The following MCTP1 variants were observed in gnomAD, a reference collection of about 807,000 sequenced individuals.
MCTP1 encodes multiple C2 and transmembrane domain-containing protein 1.
In MCTP1, 69 loss-of-function variants were observed where a neutral mutation model predicts 120.6. The ratio of observed to expected loss-of-function variants is 0.57; its 90% confidence interval spans 0.47 to 0.70. MCTP1 has a LOEUF of 0.70. MCTP1 is among the 30% of genes least tolerant of loss of function. The probability of loss-of-function intolerance (pLI) is 0.00; values close to 1 mark genes in which losing one functional copy is unlikely to be tolerated. For missense variants in MCTP1, 1,203 were observed against 1,248.8 expected, an observed-to-expected ratio of 0.96 and a Z score of 0.55; for synonymous variants, 529 against 493.1, an observed-to-expected ratio of 1.07 and a Z score of -0.96.
intron 16 of MCTP1, among the ~76,000 whole-genome samples, chr5:94,868,936 C>T (rs1442039931): frequency 6.6e-5 from 10 of 151,866 alleles, no homozygotes; most frequent in Non-Finnish European, 1.0e-4. Flanking sequence ...TAGAATTCCT[C>T]CCATTCTTAC....
At chr5:95,207,961 G>GAGAGAGGGAGAGAGAGAGAA in intron 1 of MCTP1, among the ~76,000 whole-genome samples, 1 of 133,662 alleles carries the variant, frequency 7.5e-6, no homozygotes, top group East Asian at 2.2e-4. Context: ...GAGAGAGGGA[G>GAGAGAGGGAGAGAGAGAGAA]AGAGAGGGAG....
At position 94,710,886 on chromosome 5, in the gene MCTP1, A is replaced by G. The variant is rs751339830; in HGVS notation, c.2762T>C (p.Ile921Thr). Residue 921 changes from isoleucine to threonine, a missense_variant, in exon 21 of 23, where the codon ATT becomes ACT. Ile to Thr is a moderately conservative substitution (Grantham distance 89). This residue lies in a region of MCTP1 where 740 missense variants were observed against 871.1 expected (regional missense o/e 0.85). Coordinates refer to ENST00000515393, the MANE Select transcript of MCTP1 (RefSeq NM_024717.7). Reference protein sequence around the residue: ...WTVPFLSWLAIVALCVFTAIL... With the variant: ...WTVPFLSWLATVALCVFTAIL... Reference sequence around the variant, plus strand: ...GGCTGTGAACACACAGAGGGCTACAATGGCCAGCCAGCTTAAGAATGGGAC... The same window carrying G: ...GGCTGTGAACACACAGAGGGCTACAGTGGCCAGCCAGCTTAAGAATGGGAC... 5 of 1,613,000 alleles carry G rather than the reference A, an allele frequency of 3.1e-6. No homozygotes were observed. Among genetic ancestry groups the G allele is most frequent in the East Asian group, 2.2e-5 (1 of 44,822 alleles).
intron 3 of MCTP1, among the ~76,000 whole-genome samples, chr5:94,947,948 G>C (rs1185723374): frequency 1.3e-5 from 2 of 151,804 alleles, no homozygotes; most frequent in African/African-American, 4.8e-5. Context: ...TTCTTTAAAG[G>C]CCTAACCCAT....
At chr5:95,019,207 T>C (rs1837715936) in intron 1 of MCTP1, among the ~76,000 whole-genome samples, 1 of 152,046 alleles carries the variant, frequency 6.6e-6, no homozygotes, top group South Asian at 2.1e-4. Flanking sequence ...TATACATACG[T>C]TTTGTACATT....
intron 1 of MCTP1, among the ~76,000 whole-genome samples, chr5:95,158,476 T>C (rs1014850853): frequency 6.6e-6 from 1 of 152,200 alleles, no homozygotes; most frequent in Admixed American, 6.5e-5. Context: ...TAGCAATAAA[T>C]AGTAAATCTG....
chr5:95,137,162 T>C (rs1759509844), intron 1 of MCTP1, among the ~76,000 whole-genome samples: 1 of 152,210 alleles, frequency 6.6e-6, no homozygotes, highest in Admixed American at 6.5e-5. Context: ...GCTGTATTTG[T>C]TGCTGGCTTG....
chr5:95,061,410 T>TGTG (rs1284899430), intron 1 of MCTP1, among the ~76,000 whole-genome samples: 1 of 6,924 alleles, frequency 1.4e-4, no homozygotes, highest in Non-Finnish European at 2.7e-4. Flanking sequence ...CCTTAAGGGT[T>TGTG]TTTTTTTTTT....
intron 2 of MCTP1, among the ~76,000 whole-genome samples, chr5:94,999,949 A>T (rs980152797): frequency 1.3e-5 from 2 of 152,180 alleles, no homozygotes; most frequent in Non-Finnish European, 2.9e-5. Flanking sequence ...ACCATATACA[A>T]AGCTTTCTGG....
At chr5:95,145,061 A>G (rs1760267950) in intron 1 of MCTP1, among the ~76,000 whole-genome samples, 1 of 152,044 alleles carries the variant, frequency 6.6e-6, no homozygotes, top group Admixed American at 6.5e-5. Context: ...TATTTGTGCC[A>G]TCTATGATTT....
intron 17 of MCTP1, among the ~76,000 whole-genome samples, chr5:94,800,553 G>A (rs1283470343): frequency 6.6e-6 from 1 of 152,050 alleles, no homozygotes; most frequent in Non-Finnish European, 1.5e-5. Context: ...CTGGCCTCAG[G>A]GCCAGGAGAC....
chr5:95,024,176 A>G (rs1838751638), intron 1 of MCTP1: 1 of 383,954 alleles, frequency 2.6e-6, no homozygotes, highest in South Asian at 2.0e-5. Context: ...CACTTCCAAG[A>G]CCAATGTCAC....
chr5:95,032,763 C>CA (rs1336687953), intron 1 of MCTP1, among the ~76,000 whole-genome samples: 3 of 151,444 alleles, frequency 2.0e-5, no homozygotes, highest in Admixed American at 2.0e-4. Context: ...AAATTTAGAG[C>CA]AAAAAAATTA....
At chr5:95,250,998 A>G (rs540065929) in intron 1 of MCTP1, among the ~76,000 whole-genome samples, 26 of 152,310 alleles carry the variant, frequency 1.7e-4, no homozygotes, top group Non-Finnish European at 3.5e-4. Context: ...TGCTCCAGGC[A>G]CTGAACTAGG....
At chr5:95,040,532 A>G (rs763058998) in intron 1 of MCTP1, among the ~76,000 whole-genome samples, 2 of 152,090 alleles carry the variant, frequency 1.3e-5, no homozygotes, top group African/African-American at 4.8e-5. Context: ...TAACTTCCGG[A>G]TAACTGCCTG....
At chr5:95,214,934 C>T (rs1300079793) in intron 1 of MCTP1, among the ~76,000 whole-genome samples, 1 of 151,910 alleles carries the variant, frequency 6.6e-6, no homozygotes, top group Non-Finnish European at 1.5e-5. Context: ...TTAATGGATG[C>T]AGCACACCAA....
intron 19 of MCTP1, among the ~76,000 whole-genome samples, chr5:94,732,060 A>G (rs1195577012): frequency 6.6e-6 from 1 of 152,210 alleles, no homozygotes; most frequent in African/African-American, 2.4e-5. Context: ...GAGTTTCATC[A>G]CTTAGGGGAA....
At chr5:94,722,719 T>G (rs1286603639) in intron 19 of MCTP1, among the ~76,000 whole-genome samples, 3 of 152,152 alleles carry the variant, frequency 2.0e-5, no homozygotes, top group Non-Finnish European at 2.9e-5. Context: ...TACATAACCT[T>G]TGGCAAAAGG....
At chr5:94,793,434 T>C (rs1055437646) in intron 18 of MCTP1, 2 of 152,212 alleles carry the variant, frequency 1.3e-5, no homozygotes, top group African/African-American at 4.8e-5. Context: ...CTGAGAAAAC[T>C]GCTGTTGAAA....
chr5:94,929,745 C>T (rs1682101660), intron 6 of MCTP1: 1 of 911,366 alleles, frequency 1.1e-6, no homozygotes, highest in Non-Finnish European at 1.3e-6. Context: ...CAAACTTTCC[C>T]CCGATTTTGG....
Sources: allele counts gnomAD v4.1 joint callset (sites outside exome capture counted in the v4.1 genomes callset), GRCh38; gene constraint gnomAD v4.1.1; regional missense constraint gnomAD v4.1.1; transcripts MANE v1.5; gene names NCBI Gene and HGNC (gene_info 2026-07-23, HGNC 2026-07-21).